Variants in EDNRB observed in about 807,000 individuals in gnomAD.
The protein encoded by EDNRB is endothelin receptor type B, also known as Hirschsprung disease 2.
A neutral mutation model predicts 46.4 loss-of-function variants in EDNRB; 18 were observed. That is an observed-to-expected ratio of 0.39 (90% CI 0.27 to 0.57). The LOEUF is 0.57. Among genes scored for constraint, EDNRB ranks in the 20% least tolerant of loss-of-function variants. The pLI is 0.61. For synonymous variants in EDNRB, 213 were observed against 204.9 expected (o/e 1.04, Z -0.34); for missense variants, 434 against 537.5 (o/e 0.81, Z 1.90).
At chr13:77,931,756 A>C (rs1423983248) in intron 1 of EDNRB, among the ~76,000 whole-genome samples, 11 of 138,422 alleles carry the variant, frequency 7.9e-5, no homozygotes, top group Admixed American at 5.9e-4. Context: ...AAAAAAAAAA[A>C]AAAACAAAAA....
chr13:77,966,186 GC>G (rs1226382517), intron 1 of EDNRB, among the ~76,000 whole-genome samples: 15 of 152,232 alleles, frequency 9.9e-5, no homozygotes, highest in Admixed American at 9.8e-4. Context: ...ACAGCACCCA[GC>G]CCCAGTTAGA....
intron 6 of EDNRB, among the ~76,000 whole-genome samples, chr13:77,898,840 G>A (rs1257524994): frequency 6.6e-6 from 1 of 151,830 alleles, no homozygotes; most frequent in Non-Finnish European, 1.5e-5. Flanking sequence ...GATTTAACCT[G>A]CTTTTTCTCA....
chr13:77,930,990 C>A (rs1342049229), intron 1 of EDNRB, among the ~76,000 whole-genome samples: 1 of 152,062 alleles, frequency 6.6e-6, no homozygotes, highest in Non-Finnish European at 1.5e-5. Context: ...TATTTAACAG[C>A]AAAATAATGA....
intron 1 of EDNRB, among the ~76,000 whole-genome samples, chr13:77,937,395 ACTCTTT>A (rs1195935734): frequency 6.6e-6 from 1 of 151,570 alleles, no homozygotes; most frequent in Non-Finnish European, 1.5e-5. Flanking sequence ...TAGAGAAAAA[ACTCTTT>A]CTCTTTCATC....
At chr13:77,966,093 TC>T (rs1384720541) in intron 1 of EDNRB, among the ~76,000 whole-genome samples, 1 of 152,170 alleles carries the variant, frequency 6.6e-6, no homozygotes, top group Non-Finnish European at 1.5e-5. Flanking sequence ...CTTGCTATGT[TC>T]CCCAGGTTGG....
chr13:77,900,461 G>A (rs1878904631), intron 5 of EDNRB, 60 bp downstream of exon 5: 8 of 1,606,384 alleles, frequency 5.0e-6, no homozygotes, highest in Admixed American at 1.7e-5. Flanking sequence ...AAAAAAGATC[G>A]ATGGAAACAC....
intron 1 of EDNRB, among the ~76,000 whole-genome samples, chr13:77,909,553 A>G (rs1055853827): frequency 5.9e-5 from 9 of 152,042 alleles, no homozygotes; most frequent in African/African-American, 2.2e-4. Flanking sequence ...GCAAATGTTC[A>G]CTCACCTCAT....
intron 1 of EDNRB, among the ~76,000 whole-genome samples, chr13:77,940,656 G>A: frequency 6.6e-6 from 1 of 151,820 alleles, no homozygotes; most frequent in East Asian, 1.9e-4. Flanking sequence ...GAACAGATTA[G>A]TTTGTCAGAA....
At chr13:77,928,943 A>T (rs1880312454) in intron 1 of EDNRB, among the ~76,000 whole-genome samples, 1 of 152,198 alleles carries the variant, frequency 6.6e-6, no homozygotes, top group African/African-American at 2.4e-5. Flanking sequence ...AATTTACTTA[A>T]GTTCTAGGCC....
chr13:77,915,732 G>A (rs937267933), intron 1 of EDNRB, among the ~76,000 whole-genome samples: 1 of 152,198 alleles, frequency 6.6e-6, no homozygotes, highest in African/African-American at 2.4e-5. Context: ...CCACAAGGTA[G>A]GATTCAATAA....
intron 1 of EDNRB, among the ~76,000 whole-genome samples, chr13:77,960,007 G>A (rs1881358048): frequency 6.6e-6 from 1 of 152,108 alleles, no homozygotes; most frequent in Admixed American, 6.6e-5. Context: ...AAAAAGAAAT[G>A]AACAAAGCCT....
chr13:77,919,097 C>A (rs574983761), upstream of EDNRB: 1 of 483,170 alleles, frequency 2.1e-6, no homozygotes, highest in Non-Finnish European at 3.3e-6. Flanking sequence ...CTCCTCCCGG[C>A]GGATGAAAGC....
chr13:77,919,647 C>G (rs1480119142), upstream of EDNRB: 3 of 1,560,832 alleles, frequency 1.9e-6, no homozygotes, highest in Non-Finnish European at 2.6e-6. Flanking sequence ...CGCCAGACTC[C>G]TCCCGCGCCT....
intron 1 of EDNRB, among the ~76,000 whole-genome samples, chr13:77,974,338 A>T (rs1198276263): frequency 6.6e-6 from 1 of 152,184 alleles, no homozygotes. Flanking sequence ...TTCTGTTAGC[A>T]AAGTAGTTGC....
rs1003190096 is a variant in EDNRB at position 77,946,570 on chromosome 13, A to G, written c.-51-27946T>C. Among the ~76,000 whole-genome samples the G allele has an allele frequency of 3.3e-5, 5 of 151,510 alleles. No individual in the cohort carries two copies. In the East Asian group the frequency reaches 5.8e-4, roughly 18 times the overall value. On this transcript the variant is annotated intron_variant, in intron 1 of 7. Transcript: ENST00000646948. ...TCATTTGCCTTTTCTATTATAAGAG[A>G]AAAAAAAACCCATTTCCAGTGATTT...
upstream of EDNRB, chr13:77,919,190 T>A: frequency 4.8e-6 from 3 of 622,920 alleles, no homozygotes; most frequent in Non-Finnish European, 7.9e-6. Flanking sequence ...CAGAGACTTC[T>A]CAAGTCAGCA....
intron 1 of EDNRB, among the ~76,000 whole-genome samples, chr13:77,937,647 C>T (rs926399012): frequency 3.3e-5 from 5 of 152,020 alleles, no homozygotes; most frequent in Admixed American, 1.3e-4. Context: ...AAGAGCTAGT[C>T]GTGGGACTAA....
chr13:77,943,907 G>A lies in EDNRB; in HGVS notation c.-51-25283C>T, dbSNP rs540258922. 1.9e-3 allele frequency among the ~76,000 whole-genome samples: 293 copies of A among 151,966 alleles called. 3 individuals are homozygous for A. The South Asian group carries it at 0.023, about 12-fold the overall frequency. On this transcript the variant is annotated intron_variant, in intron 1 of 7. Transcript: ENST00000646948. Reference sequence around the variant, plus strand: ...CACTTTGCTAACTTTCTATAATATAGTCCTTTTCTTTCATATTGAAATAAA... The same window carrying A: ...CACTTTGCTAACTTTCTATAATATAATCCTTTTCTTTCATATTGAAATAAA...
chr13:77,946,509 T>A (rs1285786263), intron 1 of EDNRB, among the ~76,000 whole-genome samples: 3 of 152,148 alleles, frequency 2.0e-5, no homozygotes, highest in African/African-American at 7.2e-5. Flanking sequence ...ACCCAGTTGT[T>A]TTTCGTTCAC....
Sources: gnomAD v4.1 joint callset for allele counts (sites outside exome capture counted in the v4.1 genomes callset) on GRCh38, gnomAD v4.1.1 for gene constraint, MANE v1.5 for transcripts, NCBI Gene and HGNC (gene_info 2026-07-23, HGNC 2026-07-21) for gene names.